Variants in TNIK observed in about 807,000 individuals in gnomAD.
The protein encoded by TNIK is TRAF2 and NCK interacting kinase, also known as TRAF2 and NCK-interacting protein kinase.
A neutral mutation model predicts 191.3 loss-of-function variants in TNIK; 49 were observed. The ratio of observed to expected loss-of-function variants is 0.26; its 90% CI spans 0.20 to 0.32. TNIK has a LOEUF of 0.32. Among genes scored for constraint, TNIK ranks in the 10% least tolerant of loss-of-function variants. The pLI is 1.00. For missense variants in TNIK, 1,155 were observed against 1,702.3 expected (o/e 0.68, Z 5.66); for synonymous variants, 594 against 600.9 (o/e 0.99, Z 0.17).
chr3:171,247,544 G>A (rs1745732430), intron 2 of TNIK, among the ~76,000 whole-genome samples: 1 of 152,186 alleles, frequency 6.6e-6, no homozygotes, highest in Non-Finnish European at 1.5e-5. Flanking sequence ...CGGGGGCCGG[G>A]TAGACATCCA....
intron 1 of TNIK, among the ~76,000 whole-genome samples, chr3:171,370,139 T>C (rs1401825641): frequency 2.6e-5 from 4 of 152,160 alleles, no homozygotes; most frequent in Non-Finnish European, 5.9e-5. Context: ...GTTCGTGCAT[T>C]GTGGGGCAAT....
At chr3:171,218,981 A>T (rs1440181747) in intron 3 of TNIK, among the ~76,000 whole-genome samples, 1 of 129,194 alleles carries the variant, frequency 7.7e-6, no homozygotes, top group Non-Finnish European at 1.6e-5. Flanking sequence ...ATTTATATTT[A>T]TATTAAATTA....
At chr3:171,360,248 A>G (rs748110920) in intron 2 of TNIK, among the ~76,000 whole-genome samples, 15 of 152,202 alleles carry the variant, frequency 9.9e-5, no homozygotes, top group Non-Finnish European at 1.9e-4. Flanking sequence ...TAAAATGTGC[A>G]TGTGTCTACA....
At chr3:171,296,601 T>C (rs962406852) in intron 2 of TNIK, among the ~76,000 whole-genome samples, 1 of 152,230 alleles carries the variant, frequency 6.6e-6, no homozygotes, top group Non-Finnish European at 1.5e-5. Flanking sequence ...TTGGAGCAAG[T>C]TACCTCACAG....
chr3:171,458,017 G>A (rs1728968529), intron 1 of TNIK, among the ~76,000 whole-genome samples: 1 of 152,124 alleles, frequency 6.6e-6, no homozygotes, highest in Admixed American at 6.5e-5. Context: ...AGCCCATAAG[G>A]GACAAGTCCC....
intron 29 of TNIK, among the ~76,000 whole-genome samples, chr3:171,069,433 G>A (rs890913058): frequency 6.6e-6 from 1 of 152,122 alleles, no homozygotes; most frequent in African/African-American, 2.4e-5. Flanking sequence ...AGCCAAGGCC[G>A]GCTGTTTTCT....
chr3:171,123,523 A>T (rs1376920648), intron 18 of TNIK, 73 bp downstream of exon 18: 35 of 1,282,322 alleles, frequency 2.7e-5, no homozygotes, highest in Non-Finnish European at 3.6e-5. Flanking sequence ...GAACACAGGC[A>T]TTTCTAGGAA....
Position 171,369,615 on chromosome 3 carries a change from C to A in TNIK, c.123+5G>T. ...ATAAGCCACTCTCAGACTCAATGTACTTACCTTATAAACTTGCCCGTATGT... is the reference window on the plus strand; with the variant it reads ...ATAAGCCACTCTCAGACTCAATGTAATTACCTTATAAACTTGCCCGTATGT... On this transcript the variant is annotated splice_donor_5th_base_variant and intron_variant, in intron 2 of 32. Coordinates refer to ENST00000436636, the MANE Select transcript of TNIK (RefSeq NM_015028.4). 1 of 1,571,394 alleles carries A rather than the reference C, an allele frequency of 6.4e-7. No homozygotes were observed. The highest frequency in any genetic ancestry group is 1.2e-5 in the South Asian group (1 of 85,156).
rs947349910 is a variant in TNIK at position 171,278,779 on chromosome 3, C to G, written c.124-50558G>C. Among the ~76,000 whole-genome samples the G allele has an allele frequency of 3.9e-5, 6 of 152,306 alleles. No homozygotes were observed. The South Asian group carries it at 1.2e-3, about 32-fold the overall frequency. ...CTAGTTCACAGTAGGTCTTTCTGCA[C>G]AGAAACCACTTGACTGTCAAAAGAA... On this transcript the variant is annotated intron_variant, in intron 2 of 32. Transcript: ENST00000436636.
chr3:171,365,920 TA>T (rs1715671824), intron 2 of TNIK, among the ~76,000 whole-genome samples: 1 of 152,224 alleles, frequency 6.6e-6, no homozygotes, highest in Non-Finnish European at 1.5e-5. Context: ...TTCATTTCCG[TA>T]ATAACCAATC....
intron 18 of TNIK, among the ~76,000 whole-genome samples, chr3:171,118,879 A>G (rs1190187331): frequency 2.0e-5 from 3 of 152,304 alleles, no homozygotes; most frequent in East Asian, 1.9e-4. Context: ...ATAGGCATGG[A>G]CAAGGACTTC....
At chr3:171,424,737 A>T (rs973536436) in intron 1 of TNIK, among the ~76,000 whole-genome samples, 4 of 151,378 alleles carry the variant, frequency 2.6e-5, no homozygotes, top group African/African-American at 9.7e-5. Flanking sequence ...GCAAGGACAA[A>T]AAACCAAACA....
chr3:171,457,446 A>C (rs1728910236), intron 1 of TNIK, among the ~76,000 whole-genome samples: 1 of 152,174 alleles, frequency 6.6e-6, no homozygotes, highest in African/African-American at 2.4e-5. Context: ...TCTGCAGCAA[A>C]TTCTCCCAGA....
chr3:171,368,663 AT>A (rs1285258570), intron 2 of TNIK, among the ~76,000 whole-genome samples: 8 of 152,206 alleles, frequency 5.3e-5, no homozygotes, highest in Admixed American at 3.9e-4. Context: ...TACTTTTGAC[AT>A]TCTGCAGAAT....
intron 23 of TNIK, among the ~76,000 whole-genome samples, chr3:171,091,431 A>T (rs2108405952): frequency 6.6e-6 from 1 of 152,168 alleles, no homozygotes; most frequent in African/African-American, 2.4e-5. Flanking sequence ...ATATCATATG[A>T]GCTACATCCT....
At chr3:171,362,573 C>T (rs1276329531) in intron 2 of TNIK, among the ~76,000 whole-genome samples, 1 of 152,138 alleles carries the variant, frequency 6.6e-6, no homozygotes, top group Non-Finnish European at 1.5e-5. Flanking sequence ...GAAAGCAAGA[C>T]CATGGGAAGA....
rs1728822817 is a variant in TNIK, at chr3:171,456,600, C to T, written c.57+3407G>A. ...ACTCAGAGAGGTTACCTGTGCAGGA[C>T]AACCATGTGTCCTAGGTGATTTCAG... is the stretch of plus-strand genomic sequence containing the variant. On this transcript the variant is annotated intron_variant, in intron 1 of 32. Transcript: ENST00000436636. 3.9e-5 allele frequency among the ~76,000 whole-genome samples: 6 copies of T among 152,306 alleles called. 1 individual carries two copies. The South Asian group carries it at 1.2e-3, about 32-fold the overall frequency.
chr3:171,144,893 TATA>T (rs1481882313), intron 12 of TNIK, among the ~76,000 whole-genome samples: 1 of 152,136 alleles, frequency 6.6e-6, no homozygotes, highest in Admixed American at 6.5e-5. Flanking sequence ...TTTCACTTGA[TATA>T]ATGTCTTCCA....
chr3:171,188,243 C>T (rs868151574), intron 7 of TNIK, among the ~76,000 whole-genome samples: 74 of 152,294 alleles, frequency 4.9e-4, no homozygotes, highest in African/African-American at 1.8e-3. Flanking sequence ...GATTCCCTCT[C>T]ATGAAAAAGA....
Sources: gnomAD v4.1 joint callset for allele counts (sites outside exome capture counted in the v4.1 genomes callset) on GRCh38, gnomAD v4.1.1 for gene constraint, MANE v1.5 for transcripts, NCBI Gene and HGNC (gene_info 2026-07-23, HGNC 2026-07-21) for gene names.